L2HGDH: variants seen among roughly 807,000 people sequenced by gnomAD.
The protein encoded by L2HGDH is L-2-hydroxyglutarate dehydrogenase, mitochondrial.
Under a neutral mutation model 51.5 loss-of-function variants are expected in L2HGDH, and 34 were observed. The observed-to-expected ratio is 0.66, with a 90% CI of 0.50 to 0.88. The LOEUF (loss-of-function observed/expected upper bound fraction) is 0.88, where lower values mean the gene tolerates loss of function less well. Among genes scored for constraint, L2HGDH ranks in the 40% least tolerant of loss-of-function variants. L2HGDH has a pLI of 0.00. For synonymous variants in L2HGDH, 198 were observed against 197.9 expected (o/e 1.00, Z -0.01); for missense variants, 558 against 571.9 (o/e 0.98, Z 0.25).
At chr14:50,257,222 C>A (rs1316606616) in intron 9 of L2HGDH, among the ~76,000 whole-genome samples, 1 of 152,148 alleles carries the variant, frequency 6.6e-6, no homozygotes, top group Non-Finnish European at 1.5e-5. Context: ...AGCCACTGTG[C>A]CCAACCCCAT....
At chr14:50,308,038 A>C (rs2030831607) in intron 1 of L2HGDH, among the ~76,000 whole-genome samples, 1 of 152,238 alleles carries the variant, frequency 6.6e-6, no homozygotes, top group African/African-American at 2.4e-5. Context: ...AAAAAATACT[A>C]GTAACTGCAT....
At position 50,278,526 on chromosome 14, in the gene L2HGDH, A is replaced by G; in HGVS notation, c.732T>C (p.Asn244=). Residue 244 remains asparagine, a synonymous_variant, in exon 6 of 10, where the codon AAT becomes AAC. Coordinates refer to ENST00000267436, the MANE Select transcript of L2HGDH (RefSeq NM_024884.3). ...DGMQYPIVIK[N]TKGEEIRCQY... ...TTTGCTTAAGAATCTTTACCTTTGT[A>G]TTCTTTATAACAATTGGATATTGCA... 6.7e-7 allele frequency: 1 copy of G among 1,499,428 alleles called. No homozygotes were observed. The highest frequency in any genetic ancestry group is 9.2e-7 in the Non-Finnish European group (1 of 1,082,698). The allele number at this position is 1,499,428 out of a possible 1,614,324, so 92.9% of individuals were successfully genotyped here.
At chr14:50,286,306 A>G (rs530273559) in intron 4 of L2HGDH, among the ~76,000 whole-genome samples, 18 of 152,174 alleles carry the variant, frequency 1.2e-4, no homozygotes, top group Non-Finnish European at 2.2e-4. Flanking sequence ...ACCTTCGGCT[A>G]CTCTGGGCAT....
chr14:50,262,777 T>G (rs1287269633), intron 9 of L2HGDH, among the ~76,000 whole-genome samples: 3 of 152,148 alleles, frequency 2.0e-5, no homozygotes, highest in African/African-American at 7.2e-5. Context: ...AAAACATATC[T>G]TCTACAGCTT....
At chr14:50,273,717 G>T (rs2139994281) in intron 6 of L2HGDH, among the ~76,000 whole-genome samples, 1 of 152,174 alleles carries the variant, frequency 6.6e-6, no homozygotes, top group East Asian at 1.9e-4. Flanking sequence ...CTGATAACAG[G>T]TTAATATCCA....
In L2HGDH at chr14:50,282,429, T is replaced by C. The variant is rs922895827; in HGVS notation, c.703+1442A>G. The stretch of plus-strand genomic sequence containing the variant: ...CATTCTAACCACCAATTTCTGGAAC[T>C]CTTCTGTCTTCATTAAACCAATGAA... On this transcript the variant is annotated intron_variant, in intron 5 of 9. Transcript: ENST00000267436. 7.9e-5 allele frequency: 36 copies of C among 455,840 alleles called. No homozygotes were observed. The Admixed American group carries it at 8.5e-4, about 11-fold the overall frequency. The allele number at this position is 455,840 out of a possible 1,614,324, so 28.2% of individuals were successfully genotyped here. A position where few individuals can be genotyped will look rare whatever the true frequency, so the allele number is the denominator to read the frequency against.
In L2HGDH at chr14:50,243,327, C is replaced by T. The variant is rs1887870680; in HGVS notation, c.*3731G>A. On this transcript the variant is annotated 3_prime_UTR_variant, in exon 10 of 10. Transcript: ENST00000267436. ...TTACCCAAAATATAAATGACTCAACCTCATTTTGTATTATATACTAACACA... is the reference window on the plus strand; with the variant it reads ...TTACCCAAAATATAAATGACTCAACTTCATTTTGTATTATATACTAACACA... The T allele has an allele frequency of 1.0e-6, 1 of 984,226 alleles. No individual in the cohort carries two copies. The highest frequency in any genetic ancestry group is 6.2e-5 in the Admixed American group (1 of 16,248). 61.0% of individuals were successfully genotyped at this position (984,226 alleles called of 1,614,324 possible).
chr14:50,274,760 T>C (rs924715739), intron 6 of L2HGDH, among the ~76,000 whole-genome samples: 1 of 152,162 alleles, frequency 6.6e-6, no homozygotes, highest in Non-Finnish European at 1.5e-5. Flanking sequence ...GAAAATGTGA[T>C]ATATATACAC....
chr14:50,304,885 G>A (rs935370641), intron 1 of L2HGDH, among the ~76,000 whole-genome samples: 12 of 152,174 alleles, frequency 7.9e-5, no homozygotes, highest in African/African-American at 2.2e-4. Context: ...TCTGCAATTC[G>A]AAGCTTAAAA....
chr14:50,290,133 G>A (rs1890792358), intron 4 of L2HGDH, among the ~76,000 whole-genome samples: 1 of 152,044 alleles, frequency 6.6e-6, no homozygotes, highest in Admixed American at 6.6e-5. Flanking sequence ...CAGGTGTGGT[G>A]GTGGGCGCCT....
chr14:50,252,807 A>G (rs1325540227), intron 9 of L2HGDH, among the ~76,000 whole-genome samples: 1 of 152,128 alleles, frequency 6.6e-6, no homozygotes, highest in Admixed American at 6.6e-5. Context: ...TATTAGAGCT[A>G]AAGAGATAGA....
At chr14:50,286,896 T>G (rs751179311) in intron 4 of L2HGDH, among the ~76,000 whole-genome samples, 12 of 152,224 alleles carry the variant, frequency 7.9e-5, no homozygotes, top group Non-Finnish European at 1.3e-4. Flanking sequence ...TCACTATATC[T>G]TCTTTTACAC....
intron 5 of L2HGDH, among the ~76,000 whole-genome samples, chr14:50,279,229 C>G (rs1317066617): frequency 6.6e-6 from 1 of 152,126 alleles, no homozygotes; most frequent in East Asian, 1.9e-4. Context: ...CCTTAAAAAC[C>G]TGTCAAGGAA....
chr14:50,310,362 G>A (rs1247492275), intron 1 of L2HGDH, among the ~76,000 whole-genome samples: 2 of 151,962 alleles, frequency 1.3e-5, no homozygotes, highest in African/African-American at 4.8e-5. Context: ...GAGTCACCAC[G>A]CTTGGCCTGT....
At chr14:50,295,833 G>C (rs1408140106) in intron 3 of L2HGDH, among the ~76,000 whole-genome samples, 1 of 150,706 alleles carries the variant, frequency 6.6e-6, no homozygotes, top group Non-Finnish European at 1.5e-5. Context: ...CTGCGTCCCA[G>C]GTTCAAACGA....
intron 4 of L2HGDH, among the ~76,000 whole-genome samples, chr14:50,291,887 G>A (rs1595129081): frequency 2.0e-5 from 3 of 152,240 alleles, no homozygotes; most frequent in Admixed American, 2.0e-4. Context: ...ATTATTTGCA[G>A]ATAAAATGTC....
In L2HGDH at chr14:50,269,164, G is replaced by A. The variant is rs118204020; in HGVS notation, c.905C>T (p.Pro302Leu). 1.4e-5 allele frequency: 22 copies of A among 1,572,704 alleles called. No homozygotes were observed. The highest frequency in any genetic ancestry group is 3.3e-5 in the South Asian group (3 of 90,584). The change falls in exon 7 of 10, where the codon CCG (proline) becomes CTG (leucine). Residue 302 changes from proline (P) to leucine (L), a missense_variant and splice_region_variant. Physicochemically the swap from Pro to Leu is moderately conservative, Grantham distance 98. Around this residue, in one of 3 missense-constraint regions of L2HGDH, gnomAD observed 321 missense variants for 311.8 expected, o/e 1.03. Transcript: ENST00000267436. ...KCYLVKGNIYPVPDSRFPFLG... is the reference protein window; with the variant it reads ...KCYLVKGNIYLVPDSRFPFLG... ...GAAGTAGGAAGCATCATTACCTACCGGATAAATATTTCCTTTTACAAGATA... is the reference window on the plus strand; with the variant it reads ...GAAGTAGGAAGCATCATTACCTACCAGATAAATATTTCCTTTTACAAGATA...
At position 50,246,817 on chromosome 14, in the gene L2HGDH, G is replaced by C. The variant is rs559196708; in HGVS notation, c.*241C>G. 2.0e-6 allele frequency: 1 copy of C among 511,314 alleles called. No homozygotes were observed. The highest frequency in any genetic ancestry group is 2.5e-5 in the South Asian group (1 of 40,436). 31.7% of individuals were successfully genotyped at this position (511,314 alleles called of 1,614,324 possible). ...GCTCTCAGCTCACCTCCGTCTGCTCGGTTCAATTGATTCTCCTGCCTCAGC... is the reference window on the plus strand; with the variant it reads ...GCTCTCAGCTCACCTCCGTCTGCTCCGTTCAATTGATTCTCCTGCCTCAGC... On this transcript the variant is annotated 3_prime_UTR_variant, in exon 10 of 10. Transcript: ENST00000267436.
chr14:50,255,734 T>C (rs560495645), intron 9 of L2HGDH, among the ~76,000 whole-genome samples: 1 of 152,096 alleles, frequency 6.6e-6, no homozygotes, highest in African/African-American at 2.4e-5. Context: ...ATTTTTTTAA[T>C]TTTTATTTTT....
Sources: gnomAD v4.1 joint callset for allele counts (sites outside exome capture counted in the v4.1 genomes callset) on GRCh38, gnomAD v4.1.1 for gene constraint, gnomAD v4.1.1 regional missense constraint, MANE v1.5 for transcripts, NCBI Gene and HGNC (gene_info 2026-07-23, HGNC 2026-07-21) for gene names.